The following KLRG1 variants were observed in gnomAD, a reference collection of about 807,000 sequenced individuals.
The protein encoded by KLRG1 is killer cell lectin like receptor G1, also known as killer cell lectin-like receptor subfamily G member 1.
Under a neutral mutation model 21.8 loss-of-function variants are expected in KLRG1, and 16 were observed. That is an observed-to-expected ratio of 0.73 (90% confidence interval 0.50 to 1.11). The LOEUF (loss-of-function observed/expected upper bound fraction) is 1.11, where lower values mean the gene tolerates loss of function less well. Ranked by LOEUF, KLRG1 falls within the 50% of genes most tolerant of loss-of-function variation. The probability of loss-of-function intolerance (pLI) is 0.00; values close to 1 mark genes in which losing one functional copy is unlikely to be tolerated. For synonymous variants in KLRG1, 69 were observed against 75.9 expected (o/e 0.91, Z 0.47); for missense variants, 173 against 218.3 (o/e 0.79, Z 1.31).
At chr12:9,098,964 A>G in the KLRG1 span, among the ~76,000 whole-genome samples, 1 of 152,110 alleles carries the variant, frequency 6.6e-6, no homozygotes, top group Non-Finnish European at 1.5e-5. Context: ...AATTATTTCT[A>G]ATTATTCTTA....
At chr12:9,067,064 C>A in the KLRG1 span, 2 of 152,260 alleles carry the variant, frequency 1.3e-5, no homozygotes, top group African/African-American at 4.8e-5. Context: ...GTTGTGAGAA[C>A]TGATTTCTGC....
the KLRG1 span, chr12:9,166,043 G>C: frequency 1.2e-5 from 19 of 1,598,242 alleles, no homozygotes; most frequent in Admixed American, 3.3e-4. Flanking sequence ...GGAAAGTAAA[G>C]TTACTTACTT....
the KLRG1 span, among the ~76,000 whole-genome samples, chr12:9,090,936 C>G: frequency 1.3e-5 from 2 of 152,160 alleles, no homozygotes; most frequent in African/African-American, 4.8e-5. Context: ...CTTGTAGAAT[C>G]TGTCATGAGA....
intron 1 of KLRG1, among the ~76,000 whole-genome samples, chr12:8,951,055 T>G (rs1946193161): frequency 6.6e-6 from 1 of 152,200 alleles, no homozygotes; most frequent in African/African-American, 2.4e-5. Context: ...ATTAAATTTT[T>G]TTCTTCCTGA....
chr12:9,037,824 G>A, the KLRG1 span, among the ~76,000 whole-genome samples: 1 of 152,176 alleles, frequency 6.6e-6, no homozygotes. Context: ...TAGCCTAGGA[G>A]CAATTGGCTA....
At chr12:9,107,497 C>A in the KLRG1 span, 2 of 1,612,484 alleles carry the variant, frequency 1.2e-6, no homozygotes, top group South Asian at 1.1e-5. Context: ...TATCGCTATT[C>A]TCTAGAAAAA....
the KLRG1 span, chr12:9,160,471 A>T: frequency 1.9e-6 from 3 of 1,613,444 alleles, no homozygotes; most frequent in Non-Finnish European, 2.5e-6. Flanking sequence ...TATTTTGCAT[A>T]GCAGAACCTA....
chr12:9,171,053 G>C, the KLRG1 span, among the ~76,000 whole-genome samples: 1 of 152,174 alleles, frequency 6.6e-6, no homozygotes, highest in African/African-American at 2.4e-5. Flanking sequence ...GACTGGGCGA[G>C]ACCTCCCAAT....
chr12:9,153,029 G>T, the KLRG1 span: 1 of 1,606,600 alleles, frequency 6.2e-7, no homozygotes, highest in South Asian at 1.1e-5. Flanking sequence ...CGTCTCCAGA[G>T]GTGCCTTTTA....
chr12:9,112,764 T>A, the KLRG1 span: 1 of 526,604 alleles, frequency 1.9e-6, no homozygotes, highest in South Asian at 2.2e-5. Flanking sequence ...GTAAGTGAGA[T>A]TCACACCTTC....
At chr12:9,089,786 A>G in the KLRG1 span, 1 of 767,780 alleles carries the variant, frequency 1.3e-6, no homozygotes. Flanking sequence ...GTAAATCAAG[A>G]GAGAGATAGG....
chr12:8,990,352 GT>G (rs997875696), intron 1 of KLRG1: 1 of 152,124 alleles, frequency 6.6e-6, no homozygotes, highest in Non-Finnish European at 1.5e-5. Context: ...ACAGGTAATA[GT>G]GTAAATGCCA....
chr12:9,204,676 T>C, the KLRG1 span, among the ~76,000 whole-genome samples: 1 of 152,178 alleles, frequency 6.6e-6, no homozygotes, highest in Non-Finnish European at 1.5e-5. Context: ...TTTATTATCA[T>C]TTCCCTTTAT....
At chr12:9,140,639 T>C in the KLRG1 span, among the ~76,000 whole-genome samples, 116 of 152,232 alleles carry the variant, frequency 7.6e-4, no homozygotes, top group Non-Finnish European at 1.5e-3. Flanking sequence ...GAATCTGAGA[T>C]AAGGCCTTTT....
chr12:9,024,221 G>T, the KLRG1 span, among the ~76,000 whole-genome samples: 1 of 151,392 alleles, frequency 6.6e-6, no homozygotes. Flanking sequence ...AGAGACAGGG[G>T]TCACTATGTT....
the KLRG1 span, among the ~76,000 whole-genome samples, chr12:9,113,135 G>A: frequency 6.7e-6 from 1 of 150,344 alleles, no homozygotes; most frequent in South Asian, 2.1e-4. Context: ...TGGCTAATAG[G>A]GTTTCTATGT....
chr12:9,148,437 A>C, the KLRG1 span, among the ~76,000 whole-genome samples: 2 of 152,044 alleles, frequency 1.3e-5, no homozygotes, highest in African/African-American at 2.4e-5. Flanking sequence ...TAGATGGTTT[A>C]TCTAAATCCT....
At chr12:9,046,583 C>T in the KLRG1 span, among the ~76,000 whole-genome samples, 1 of 151,950 alleles carries the variant, frequency 6.6e-6, no homozygotes, top group Non-Finnish European at 1.5e-5. Context: ...ACCATGCAAG[C>T]AAGAAGAGAG....
At chr12:9,203,735 G>A in the KLRG1 span, 3 of 1,610,542 alleles carry the variant, frequency 1.9e-6, no homozygotes, top group South Asian at 1.1e-5. Flanking sequence ...AATGTATCAA[G>A]CAGGGATAGC....
Sources: gnomAD v4.1 joint callset for allele counts (sites outside exome capture counted in the v4.1 genomes callset) on GRCh38, gnomAD v4.1.1 for gene constraint, MANE v1.5 for transcripts, NCBI Gene and HGNC (gene_info 2026-07-23, HGNC 2026-07-21) for gene names.